CSTL1: variants seen among roughly 807,000 people sequenced by gnomAD.
CSTL1 encodes the protein cystatin like 1.
A neutral mutation model predicts 14.4 loss-of-function variants in CSTL1; 14 were observed. That is an observed-to-expected ratio of 0.97 (90% confidence interval 0.64 to 1.52). The LOEUF (loss-of-function observed/expected upper bound fraction) is 1.52. CSTL1 is among the 40% of genes most tolerant of loss of function. The pLI, the probability that CSTL1 is intolerant of heterozygous loss-of-function variation, is 0.00. For synonymous variants in CSTL1, 72 were observed against 67.5 expected, an observed-to-expected ratio of 1.07 and a Z score of -0.33; for missense variants, 170 against 168.7, an observed-to-expected ratio of 1.01 and a Z score of -0.04.
the CSTL1 span, among the ~76,000 whole-genome samples, chr20:23,455,964 T>C: frequency 5.3e-5 from 8 of 152,192 alleles, no homozygotes; most frequent in African/African-American, 1.2e-4. Context: ...CCCACTCCCC[T>C]GCAGGCTGGA....
At position 23,440,425 on chromosome 20, in the gene CSTL1, A is replaced by G. The variant is rs1273681409; in HGVS notation, c.158A>G (p.Asn53Ser). 1.9e-6 allele frequency: 3 copies of G among 1,614,168 alleles called. No homozygotes were observed. Among genetic ancestry groups the G allele is most frequent in the Middle Eastern group, 1.6e-4 (1 of 6,062 alleles). The change falls in exon 2 of 4, where the codon AAC becomes AGC. Residue 53 changes from asparagine to serine, a missense_variant. Transcript: ENST00000347397. The part of the protein sequence containing the change: ...STLNFFIQSY[N>S]NASNDTYLYR... ...CTCAACTTCTTCATTCAATCCTACA[A>G]CAATGCCAGCAACGACACCTACTTA...
the CSTL1 span, chr20:23,452,032 G>C: frequency 4.3e-6 from 3 of 703,088 alleles, no homozygotes; most frequent in African/African-American, 5.4e-5. Flanking sequence ...GCTGGTCCTA[G>C]GCGGATTAGC....
At chr20:23,460,878 CTAAG>C in the CSTL1 span, among the ~76,000 whole-genome samples, 2 of 152,138 alleles carry the variant, frequency 1.3e-5, no homozygotes, top group African/African-American at 4.8e-5. Flanking sequence ...CTTTTGGTTC[CTAAG>C]TAAGAAGACT....
rs1244160594 is a variant in CSTL1, at chr20:23,440,287, G to A, written c.20G>A (p.Arg7Lys). MGIGCW[R>K]NPLLLLIALV... is the part of the protein sequence containing the mutation. Reference sequence around the variant, plus strand: ...GTAGACATGGGGATCGGATGCTGGAGAAACCCCCTGCTGCTGCTGATTGCC... The same window carrying A: ...GTAGACATGGGGATCGGATGCTGGAAAAACCCCCTGCTGCTGCTGATTGCC... The change falls in exon 2 of 4, where the codon AGA becomes AAA. Residue 7 changes from arginine to lysine, a missense_variant. Transcript: ENST00000347397. 2.5e-6 allele frequency: 4 copies of A among 1,614,054 alleles called. No individual in the cohort carries two copies. The highest frequency in any genetic ancestry group is 1.7e-5 in the Admixed American group (1 of 60,004).
At chr20:23,452,789 G>A in the CSTL1 span, 8 of 1,613,746 alleles carry the variant, frequency 5.0e-6, no homozygotes, top group Admixed American at 6.7e-5. Flanking sequence ...GAGCTGTAGG[G>A]CCTGCCAGGG....
At chr20:23,452,070 T>C in the CSTL1 span, 2 of 584,956 alleles carry the variant, frequency 3.4e-6, no homozygotes, top group Non-Finnish European at 6.1e-6. Context: ...ATTTGACTCA[T>C]GATTGTTTTT....
chr20:23,439,943 G>A, intron 1 of CSTL1, 137 bp downstream of exon 1: 1 of 367,282 alleles, frequency 2.7e-6, no homozygotes, highest in Non-Finnish European at 5.1e-6. Context: ...TTATTGCAGA[G>A]CACTGTAGGG....
Position 23,439,835 on chromosome 20 carries a change from A to G in CSTL1, c.-125+29A>G, listed in dbSNP as rs1986782659. The G allele has an allele frequency of 2.0e-5, 4 of 202,154 alleles. 1 individual carries two copies. In the South Asian group the frequency reaches 4.0e-4, roughly 20 times the overall value. 12.5% of individuals were successfully genotyped at this position (202,154 alleles called of 1,614,324 possible). A position where few individuals can be genotyped will look rare whatever the true frequency, so the allele number is the denominator to read the frequency against. On this transcript the variant is annotated intron_variant, in intron 1 of 3. Coordinates refer to ENST00000347397, the MANE Select transcript of CSTL1 (RefSeq NM_138283.1). ...AGAATAATGTACCACTCCTTGCTCCATATGACTGCTTCCTTATATCTCAGT... is the reference window on the plus strand; with the variant it reads ...AGAATAATGTACCACTCCTTGCTCCGTATGACTGCTTCCTTATATCTCAGT...
the CSTL1 span, chr20:23,452,544 C>A: frequency 5.0e-5 from 65 of 1,299,048 alleles, no homozygotes; most frequent in Non-Finnish European, 7.1e-5. Context: ...CCGATGTGGG[C>A]GTATCAGGCC....
At chr20:23,444,686 C>T in intron 3 of CSTL1, 85 bp from the exon 4 acceptor site, 1 of 846,962 alleles carries the variant, frequency 1.2e-6, no homozygotes, top group Non-Finnish European at 2.0e-6. Flanking sequence ...TGAGCAGCCA[C>T]AGGGAGAGAC....
the CSTL1 span, chr20:23,452,657 G>A: frequency 1.9e-6 from 3 of 1,613,936 alleles, no homozygotes; most frequent in African/African-American, 2.7e-5. Flanking sequence ...ATACTGGTCG[G>A]TGATCCACTG....
the CSTL1 span, among the ~76,000 whole-genome samples, chr20:23,459,870 G>A: frequency 2.0e-5 from 3 of 152,192 alleles, no homozygotes; most frequent in Admixed American, 1.3e-4. Context: ...CCAGACTCCT[G>A]TAATATCCTG....
the CSTL1 span, among the ~76,000 whole-genome samples, chr20:23,450,249 C>A: frequency 2.0e-5 from 3 of 152,122 alleles, no homozygotes; most frequent in African/African-American, 7.2e-5. Context: ...AATTGAAGTT[C>A]TGCTACCATG....
chr20:23,444,282 C>A (rs1283510894), intron 3 of CSTL1, among the ~76,000 whole-genome samples: 1 of 152,264 alleles, frequency 6.6e-6, no homozygotes, highest in Non-Finnish European at 1.5e-5. Flanking sequence ...GCCTGCTCCC[C>A]AGACCCTCTG....
the CSTL1 span, among the ~76,000 whole-genome samples, chr20:23,455,003 CAA>C: frequency 1.3e-5 from 2 of 152,076 alleles, no homozygotes; most frequent in African/African-American, 2.4e-5. Flanking sequence ...GACTCAGTTA[CAA>C]AGAGTCATTT....
the CSTL1 span, chr20:23,451,770 C>A: frequency 7.2e-7 from 1 of 1,383,252 alleles, no homozygotes; most frequent in South Asian, 1.2e-5. Context: ...AGAAAAACCT[C>A]ACTGAAAAGG....
chr20:23,440,739 T>A lies in CSTL1; in HGVS notation c.219+253T>A, dbSNP rs569766097. The A allele has an allele frequency of 2.1e-5, 12 of 570,840 alleles. No homozygotes were observed. In the East Asian group the frequency reaches 4.3e-4, roughly 21 times the overall value. 35.4% of individuals were successfully genotyped at this position (570,840 alleles called of 1,614,324 possible). ...CCAATACACTTAGAGGCAAAAGTGT[T>A]CACTGAGGATTAAACTCTTTTTTTT... On this transcript the variant is annotated intron_variant, in intron 2 of 3. Coordinates refer to ENST00000347397, the MANE Select transcript of CSTL1 (RefSeq NM_138283.1).
At chr20:23,440,734 A>G in intron 2 of CSTL1, 1 of 592,204 alleles carries the variant, frequency 1.7e-6, no homozygotes, top group Non-Finnish European at 3.1e-6. Flanking sequence ...TAGAGGCAAA[A>G]GTGTTCACTG....
At chr20:23,441,437 A>G (rs1986828447) in intron 2 of CSTL1, among the ~76,000 whole-genome samples, 1 of 152,216 alleles carries the variant, frequency 6.6e-6, no homozygotes, top group South Asian at 2.1e-4. Flanking sequence ...CCTCAAGGTC[A>G]GATAATAAAC....
Sources: gnomAD v4.1 joint callset for allele counts (sites outside exome capture counted in the v4.1 genomes callset) on GRCh38, gnomAD v4.1.1 for gene constraint, MANE v1.5 for transcripts, NCBI Gene and HGNC (gene_info 2026-07-23, HGNC 2026-07-21) for gene names.